The following PRKN variants were observed in gnomAD, a reference collection of about 807,000 sequenced individuals.
PRKN encodes the protein E3 ubiquitin-protein ligase parkin.
In PRKN, 56 loss-of-function variants were observed where a neutral mutation model predicts 59.5. The ratio of observed to expected loss-of-function variants is 0.94; its 90% CI spans 0.76 to 1.18. The LOEUF is 1.18. Among genes scored for constraint, PRKN ranks in the 50% most tolerant of loss-of-function variants. The pLI is 0.00. For missense variants in PRKN, 657 were observed against 596.4 expected (o/e 1.10, Z -1.06); for synonymous variants, 250 against 222.1 (o/e 1.13, Z -1.12).
chr6:161,892,508 T>A (rs947816493), intron 6 of PRKN, among the ~76,000 whole-genome samples: 1 of 152,082 alleles, frequency 6.6e-6, no homozygotes, highest in Non-Finnish European at 1.5e-5. Flanking sequence ...AGGTAAGAAC[T>A]AGGGGCATTT....
At chr6:162,108,304 T>C (rs756513807) in intron 4 of PRKN, among the ~76,000 whole-genome samples, 105 of 152,288 alleles carry the variant, frequency 6.9e-4, no homozygotes, top group Non-Finnish European at 1.3e-3. Context: ...AGCTTCCCCA[T>C]GGGAGGACTG....
chr6:162,375,079 T>C (rs1048793019), intron 2 of PRKN, among the ~76,000 whole-genome samples: 1 of 152,144 alleles, frequency 6.6e-6, no homozygotes, highest in Admixed American at 6.6e-5. Flanking sequence ...TGTGTAACAA[T>C]AGTCTTTGTA....
At chr6:162,173,213 T>C (rs1562558179) in intron 4 of PRKN, among the ~76,000 whole-genome samples, 1 of 152,336 alleles carries the variant, frequency 6.6e-6, no homozygotes. Flanking sequence ...CAGCTGAAAC[T>C]GACCTCTAGT....
At chr6:161,832,858 T>C (rs1029371742) in intron 6 of PRKN, among the ~76,000 whole-genome samples, 9 of 151,764 alleles carry the variant, frequency 5.9e-5, no homozygotes, top group Non-Finnish European at 8.8e-5. Context: ...TCCTGCCCAC[T>C]AGATGCCAGC....
At chr6:161,853,288 G>C (rs1192449653) in intron 6 of PRKN, among the ~76,000 whole-genome samples, 1 of 152,092 alleles carries the variant, frequency 6.6e-6, no homozygotes, top group Non-Finnish European at 1.5e-5. Flanking sequence ...TTGTTTTAGG[G>C]GATGTAGTTT....
chr6:161,710,117 TAA>T (rs34802719), intron 7 of PRKN, among the ~76,000 whole-genome samples: 6 of 148,560 alleles, frequency 4.0e-5, no homozygotes, highest in African/African-American at 7.4e-5. Flanking sequence ...TAATTCCAAT[TAA>T]AAAAAAAAAC....
chr6:161,647,117 G>A (rs1783985741), intron 7 of PRKN, among the ~76,000 whole-genome samples: 1 of 152,190 alleles, frequency 6.6e-6, no homozygotes, highest in African/African-American at 2.4e-5. Flanking sequence ...GTAACAGGTT[G>A]TGGAAGGTGT....
chr6:161,862,550 T>A (rs540576738), intron 6 of PRKN, among the ~76,000 whole-genome samples: 2 of 152,170 alleles, frequency 1.3e-5, no homozygotes, highest in East Asian at 3.9e-4. Flanking sequence ...CAAAGGGATC[T>A]CAAGAGTATA....
chr6:162,377,955 C>T (rs1011492167), intron 2 of PRKN, among the ~76,000 whole-genome samples: 13 of 152,230 alleles, frequency 8.5e-5, no homozygotes, highest in East Asian at 1.9e-4. Context: ...CTTGGGAGAA[C>T]GCCTAGTAAA....
At chr6:162,180,972 T>C (rs1783777088) in intron 4 of PRKN, among the ~76,000 whole-genome samples, 1 of 152,200 alleles carries the variant, frequency 6.6e-6, no homozygotes, top group South Asian at 2.1e-4. Flanking sequence ...TAGTTTAAAC[T>C]GGATTGGCCT....
intron 4 of PRKN, among the ~76,000 whole-genome samples, chr6:162,173,534 CTTTT>C (rs5741635): frequency 1.1e-4 from 16 of 146,410 alleles, no homozygotes; most frequent in Non-Finnish European, 7.5e-5. Context: ...TTTGATGCAG[CTTTT>C]TTTTTTTTTT....
chr6:161,604,475 T>C (rs1782207783), intron 7 of PRKN, among the ~76,000 whole-genome samples: 1 of 152,088 alleles, frequency 6.6e-6, no homozygotes, highest in South Asian at 2.1e-4. Flanking sequence ...GGCTAACAAC[T>C]CCCTAGGCCT....
intron 1 of PRKN, among the ~76,000 whole-genome samples, chr6:162,596,946 A>G (rs1781515581): frequency 6.6e-6 from 1 of 152,214 alleles, no homozygotes; most frequent in Non-Finnish European, 1.5e-5. Flanking sequence ...GTGCAGAAAG[A>G]CACTATACTA....
At position 161,470,146 on chromosome 6, in the gene PRKN, T is replaced by C. The variant is rs996912912; in HGVS notation, c.1083+78708A>G. Among the ~76,000 whole-genome samples, 1 of 152,218 alleles carries C rather than the reference T, an allele frequency of 6.6e-6. No homozygotes were observed. The highest frequency in any genetic ancestry group is 6.5e-5 in the Admixed American group (1 of 15,274). The stretch of plus-strand genomic sequence containing the variant: ...AATTGCATAGCTAGGAAGTGAACTC[T>C]GGCTAGGGTCTAAACCTAGACAGTC... On this transcript the variant is annotated intron_variant, in intron 9 of 11. Transcript: ENST00000366898. This position sits in a 1 kb window ranked among gnomAD's most constrained non-coding sequence, Gnocchi z 5.1.
At chr6:161,528,437 T>C (rs1445011269) in intron 9 of PRKN, among the ~76,000 whole-genome samples, 1 of 152,056 alleles carries the variant, frequency 6.6e-6, no homozygotes. Flanking sequence ...AAGCCCTCAA[T>C]AATATCCACC....
At chr6:162,559,413 C>A (rs1261603550) in intron 1 of PRKN, among the ~76,000 whole-genome samples, 2 of 152,108 alleles carry the variant, frequency 1.3e-5, no homozygotes, top group African/African-American at 2.4e-5. Flanking sequence ...CAGCCCCTAA[C>A]ATCCCATTTG....
intron 7 of PRKN, among the ~76,000 whole-genome samples, chr6:161,781,353 A>G (rs530616668): frequency 6.6e-6 from 1 of 152,324 alleles, no homozygotes; most frequent in East Asian, 1.9e-4. Flanking sequence ...AAGGATTCCA[A>G]AGAAACTTTG....
intron 1 of PRKN, among the ~76,000 whole-genome samples, chr6:162,703,640 G>A (rs1184790213): frequency 6.6e-6 from 1 of 152,186 alleles, no homozygotes; most frequent in Non-Finnish European, 1.5e-5. Flanking sequence ...TTCCTAAGAA[G>A]TAGATCATAC....
intron 5 of PRKN, among the ~76,000 whole-genome samples, chr6:162,027,450 T>C (rs1783478073): frequency 6.6e-6 from 1 of 152,154 alleles, no homozygotes; most frequent in African/African-American, 2.4e-5. Context: ...TTCCTGCGAG[T>C]GCGACAAACC....
Sources: allele counts gnomAD v4.1 joint callset (sites outside exome capture counted in the v4.1 genomes callset), GRCh38; gene constraint gnomAD v4.1.1; non-coding constraint Gnocchi (gnomAD v3.1); transcripts MANE v1.5; gene names NCBI Gene and HGNC (gene_info 2026-07-23, HGNC 2026-07-21).